PRELID2: variants seen among roughly 807,000 people sequenced by gnomAD.
PRELID2 encodes the protein PRELI domain-containing protein 2.
In PRELID2, 25 loss-of-function variants were observed where a neutral mutation model predicts 28.4. The observed-to-expected ratio is 0.88, with a 90% confidence interval of 0.64 to 1.23. The LOEUF (loss-of-function observed/expected upper bound fraction) is 1.23, where lower values mean the gene tolerates loss of function less well. PRELID2 is among the 50% of genes most tolerant of loss of function. PRELID2 has a pLI of 0.00. For missense variants in PRELID2, 201 were observed against 214.4 expected (o/e 0.94, Z 0.39); for synonymous variants, 76 against 71.6 (o/e 1.06, Z -0.31).
At chr5:145,569,684 G>A (rs1424430963) in intron 1 of PRELID2, among the ~76,000 whole-genome samples, 1 of 152,198 alleles carries the variant, frequency 6.6e-6, no homozygotes, top group Non-Finnish European at 1.5e-5. Flanking sequence ...GAGAAAGAAA[G>A]TATTTGTTGA....
At chr5:145,313,607 G>A in the PRELID2 span, among the ~76,000 whole-genome samples, 763 of 152,286 alleles carry the variant, frequency 5.0e-3, 8 homozygotes, top group African/African-American at 0.018. Context: ...GGCAGCAGAC[G>A]GACTGGAAGG....
the PRELID2 span, among the ~76,000 whole-genome samples, chr5:145,333,389 T>C: frequency 6.6e-6 from 1 of 152,170 alleles, no homozygotes; most frequent in African/African-American, 2.4e-5. Context: ...TTCCCCCAGG[T>C]GCTCTGTCCC....
At chr5:145,539,181 G>T (rs1466768132) in intron 1 of PRELID2, among the ~76,000 whole-genome samples, 1 of 151,968 alleles carries the variant, frequency 6.6e-6, no homozygotes, top group Non-Finnish European at 1.5e-5. Flanking sequence ...AACACGTGGG[G>T]TATGAGGAGT....
the PRELID2 span, among the ~76,000 whole-genome samples, chr5:145,307,383 A>C: frequency 1.3e-5 from 2 of 152,168 alleles, no homozygotes; most frequent in Non-Finnish European, 2.9e-5. Flanking sequence ...GACAGAGCCA[A>C]GTGAATCTAG....
At chr5:145,592,139 A>T (rs939693249) in intron 1 of PRELID2, among the ~76,000 whole-genome samples, 2 of 152,314 alleles carry the variant, frequency 1.3e-5, no homozygotes, top group Non-Finnish European at 2.9e-5. Flanking sequence ...TAAATCAGCC[A>T]GGCACGGTGG....
At chr5:145,801,488 A>G (rs1753138261) in intron 4 of PRELID2, among the ~76,000 whole-genome samples, 1 of 152,192 alleles carries the variant, frequency 6.6e-6, no homozygotes, top group Non-Finnish European at 1.5e-5. Context: ...AGGACTCTCC[A>G]TCACATTTAT....
chr5:145,400,395 A>G, the PRELID2 span, among the ~76,000 whole-genome samples: 5 of 151,982 alleles, frequency 3.3e-5, no homozygotes, highest in African/African-American at 1.2e-4. Context: ...CCTCATTCCC[A>G]TTTGAATTGT....
intron 1 of PRELID2, among the ~76,000 whole-genome samples, chr5:145,650,003 G>A (rs73313770): frequency 0.021 from 3,242 of 152,182 alleles, 105 homozygotes; most frequent in African/African-American, 0.071. Flanking sequence ...GAAAATATCT[G>A]AGACTCTGAA....
downstream of PRELID2, among the ~76,000 whole-genome samples, chr5:145,756,219 G>A (rs1018690927): frequency 6.6e-5 from 10 of 152,252 alleles, no homozygotes; most frequent in Middle Eastern, 3.4e-3. Context: ...AGCTAACATC[G>A]TATGGTCAGG....
intron 1 of PRELID2, among the ~76,000 whole-genome samples, chr5:145,511,304 C>T (rs1184714288): frequency 6.6e-6 from 1 of 152,156 alleles, no homozygotes; most frequent in Non-Finnish European, 1.5e-5. Context: ...AAAATAGTAC[C>T]GTTATATACT....
At chr5:145,550,289 C>A (rs915457334) in intron 1 of PRELID2, among the ~76,000 whole-genome samples, 17 of 152,036 alleles carry the variant, frequency 1.1e-4, no homozygotes, top group Admixed American at 3.9e-4. Flanking sequence ...GCCTTTGTGG[C>A]CAGAACATAA....
intron 1 of PRELID2, among the ~76,000 whole-genome samples, chr5:145,739,908 A>T (rs887427448): frequency 5.0e-4 from 75 of 151,450 alleles, no homozygotes; most frequent in African/African-American, 1.7e-3. Context: ...ATACCTAAAG[A>T]AAGTTTTTAA....
intron 1 of PRELID2, among the ~76,000 whole-genome samples, chr5:145,619,541 C>T (rs952151104): frequency 6.6e-6 from 1 of 152,184 alleles, no homozygotes. Flanking sequence ...TGGGCACTCA[C>T]AGTATTTGGG....
intron 1 of PRELID2, among the ~76,000 whole-genome samples, chr5:145,659,072 GACC>G (rs1754445226): frequency 6.6e-6 from 1 of 152,210 alleles, no homozygotes; most frequent in Non-Finnish European, 1.5e-5. Flanking sequence ...AGGAGAGTCT[GACC>G]TAAGAGGAGG....
chr5:145,720,856 C>A (rs1189913472), intron 1 of PRELID2, among the ~76,000 whole-genome samples: 2 of 151,988 alleles, frequency 1.3e-5, no homozygotes, highest in African/African-American at 4.8e-5. Flanking sequence ...TGTATAGAAG[C>A]AGTTCTCAAA....
intron 1 of PRELID2, among the ~76,000 whole-genome samples, chr5:145,612,053 A>G (rs973383256): frequency 6.6e-6 from 1 of 152,216 alleles, no homozygotes; most frequent in Non-Finnish European, 1.5e-5. Flanking sequence ...CAGGTGTTTT[A>G]CCAACTGATA....
rs376405486 is a variant in PRELID2, at chr5:145,716,519, CTGTTA to C, written n.70+48407_70+48411del. Among the ~76,000 whole-genome samples the C allele has an allele frequency of 3.1e-3, 475 of 152,180 alleles. 1 individual carries two copies. Among genetic ancestry groups the C allele is most frequent in the African/African-American group, 0.011 (439 of 41,550 alleles). On this transcript the variant is annotated intron_variant and non_coding_transcript_variant, in intron 1 of 2. Coordinates refer to the PRELID2 transcript ENST00000510259. ...CTATATATTTCTTTTTAACTTTTTACTGTTATAACATTAAAGACATTTTGAAAACA... is the reference window on the plus strand; with the variant it reads ...CTATATATTTCTTTTTAACTTTTTACTAACATTAAAGACATTTTGAAAACA...
At chr5:145,640,106 T>C (rs1474888598) in intron 1 of PRELID2, among the ~76,000 whole-genome samples, 1 of 152,142 alleles carries the variant, frequency 6.6e-6, no homozygotes, top group African/African-American at 2.4e-5. Context: ...ATCAAACATG[T>C]GAAATCAAAA....
intron 1 of PRELID2, among the ~76,000 whole-genome samples, chr5:145,594,515 G>T (rs962093409): frequency 6.6e-6 from 1 of 152,100 alleles, no homozygotes; most frequent in East Asian, 1.9e-4. Context: ...CGTATTAAAA[G>T]GAAATATTCT....
Sources: allele counts gnomAD v4.1 joint callset (sites outside exome capture counted in the v4.1 genomes callset), GRCh38; gene constraint gnomAD v4.1.1; transcripts MANE v1.5; gene names NCBI Gene and HGNC (gene_info 2026-07-23, HGNC 2026-07-21).